The following EIF4E3 variants were observed in gnomAD, a reference collection of about 807,000 sequenced individuals.
EIF4E3 encodes eukaryotic translation initiation factor 4E type 3.
A neutral mutation model predicts 31.7 loss-of-function variants in EIF4E3; 26 were observed. The observed-to-expected ratio is 0.82, with a 90% CI of 0.60 to 1.14. The LOEUF (loss-of-function observed/expected upper bound fraction) is 1.14, where lower values mean the gene tolerates loss of function less well. EIF4E3 is among the 50% of genes most tolerant of loss of function. The pLI, the probability that EIF4E3 is intolerant of heterozygous loss-of-function variation, is 0.00. For synonymous variants in EIF4E3, 128 were observed against 107.7 expected, an observed-to-expected ratio of 1.19 and a Z score of -1.17; for missense variants, 304 against 270.9, an observed-to-expected ratio of 1.12 and a Z score of -0.86.
In EIF4E3 at chr3:71,725,069, G is replaced by T; in HGVS notation, c.176+123C>A. ...TCCCGGGGTGCGCAGGCGGACGCGCGGAGGGGCCGAGGTCTGTGCCACAGC... is the reference window on the plus strand; with the variant it reads ...TCCCGGGGTGCGCAGGCGGACGCGCTGAGGGGCCGAGGTCTGTGCCACAGC... On this transcript the variant is annotated intron_variant, in intron 1 of 6. Transcript: ENST00000425534. This position sits in a 1 kb window ranked among gnomAD's most constrained non-coding sequence, Gnocchi z 6.1. 1 of 755,656 alleles carries T rather than the reference G, an allele frequency of 1.3e-6. No homozygotes were observed. Among genetic ancestry groups the T allele is most frequent in the Non-Finnish European group, 1.6e-6 (1 of 616,056 alleles). The allele number at this position is 755,656 out of a possible 1,614,324, so 46.8% of individuals were successfully genotyped here.
intron 1 of EIF4E3, among the ~76,000 whole-genome samples, chr3:71,722,759 C>G (rs533056018): frequency 6.6e-6 from 1 of 152,186 alleles, no homozygotes; most frequent in South Asian, 2.1e-4. Flanking sequence ...ACAAGCTGCT[C>G]CAGAGACTGT....
intron 2 of EIF4E3, 52 bp from the exon 3 acceptor site, chr3:71,699,760 A>T (rs62246325): frequency 0.15 from 215,923 of 1,454,338 alleles, 17,935 homozygotes; most frequent in East Asian, 0.4. Context: ...TTGATTTATT[A>T]TGCTGCTAGA....
intron 5 of EIF4E3, among the ~76,000 whole-genome samples, chr3:71,692,449 A>G (rs898364214): frequency 2.0e-5 from 3 of 152,246 alleles, no homozygotes; most frequent in Admixed American, 6.5e-5. Flanking sequence ...GGAATAATTC[A>G]TGCAGAAAAC....
chr3:71,737,621 A>T (rs1165715851), intron 1 of EIF4E3, among the ~76,000 whole-genome samples: 1 of 152,160 alleles, frequency 6.6e-6, no homozygotes, highest in Non-Finnish European at 1.5e-5. Flanking sequence ...CACATTTTAT[A>T]CAGAGGAACA....
chr3:71,665,798 C>A, the EIF4E3 span, among the ~76,000 whole-genome samples: 1 of 152,202 alleles, frequency 6.6e-6, no homozygotes, highest in African/African-American at 2.4e-5. Context: ...AAGAAACTCA[C>A]TGAAAACCAC....
Position 71,680,661 on chromosome 3 carries a change from G to A in EIF4E3, c.*4021C>T, listed in dbSNP as rs1341707753. 1 of 152,140 alleles carries A rather than the reference G, an allele frequency of 6.6e-6. No individual in the cohort carries two copies. The highest frequency in any genetic ancestry group is 6.5e-5 in the Admixed American group (1 of 15,276). 9.4% of individuals were successfully genotyped at this position (152,140 alleles called of 1,614,324 possible). ...GGGATTTCTTCTTGGGAGAAGTAGAGGGGCAACCCACTCTAATTGCTATAA... is the reference window on the plus strand; with the variant it reads ...GGGATTTCTTCTTGGGAGAAGTAGAAGGGCAACCCACTCTAATTGCTATAA... On this transcript the variant is annotated 3_prime_UTR_variant, in exon 7 of 7. Coordinates refer to ENST00000425534, the MANE Select transcript of EIF4E3 (RefSeq NM_001134651.2).
At chr3:71,753,582 G>GGGATGCCTCGGCGGGGCT (rs2108172166) in exon 1 of EIF4E3, 1 of 149,778 alleles carries the variant, frequency 6.7e-6, no homozygotes, top group South Asian at 1.8e-4. Context: ...CAGGCGGTGC[G>GGGATGCCTCGGCGGGGCT]GGATGCCTCG....
the EIF4E3 span, among the ~76,000 whole-genome samples, chr3:71,670,351 A>G: frequency 6.6e-6 from 1 of 152,044 alleles, no homozygotes; most frequent in Non-Finnish European, 1.5e-5. Context: ...GGCTCGCTGC[A>G]TTTCTTTTGC....
At position 71,679,020 on chromosome 3, in the gene EIF4E3, T is replaced by C. The variant is rs1189206407; in HGVS notation, c.*5662A>G. ...TAAAACTTAAAAACAAAAACAATGG[T>C]TGTAAGCCACATTATCTGATTAAAG... On this transcript the variant is annotated 3_prime_UTR_variant, in exon 7 of 7. Coordinates refer to ENST00000425534, the MANE Select transcript of EIF4E3 (RefSeq NM_001134651.2). 9 of 152,176 alleles carry C rather than the reference T, an allele frequency of 5.9e-5. No homozygotes were observed. Among genetic ancestry groups the C allele is most frequent in the Admixed American group, 4.6e-4 (7 of 15,278 alleles). The allele number at this position is 152,176 out of a possible 1,614,324, so 9.4% of individuals were successfully genotyped here.
intron 1 of EIF4E3, among the ~76,000 whole-genome samples, chr3:71,717,437 C>A (rs1000377169): frequency 1.3e-5 from 2 of 152,218 alleles, no homozygotes; most frequent in Non-Finnish European, 2.9e-5. Flanking sequence ...ATGTGAAGGA[C>A]AGTTCTGTAA....
chr3:71,715,563 C>A (rs1217892012), intron 1 of EIF4E3, among the ~76,000 whole-genome samples: 1 of 152,184 alleles, frequency 6.6e-6, no homozygotes, highest in Non-Finnish European at 1.5e-5. Flanking sequence ...AAGATACAGG[C>A]AGAGCTGTGG....
At chr3:71,722,882 G>A (rs1578373880) in intron 1 of EIF4E3, among the ~76,000 whole-genome samples, 1 of 152,282 alleles carries the variant, frequency 6.6e-6, no homozygotes, top group Non-Finnish European at 1.5e-5. Context: ...GTTAGGTGTT[G>A]TACATCATGT....
chr3:71,699,495 G>C, intron 3 of EIF4E3, 119 bp downstream of exon 3: 2 of 888,434 alleles, frequency 2.3e-6, no homozygotes, highest in Admixed American at 3.8e-5. Context: ...GCCATGATTG[G>C]TATCACAGAC....
intron 3 of EIF4E3, among the ~76,000 whole-genome samples, chr3:71,699,267 A>T (rs2049181381): frequency 6.6e-6 from 1 of 152,128 alleles, no homozygotes; most frequent in Admixed American, 6.6e-5. Context: ...CAACAAAAAA[A>T]ACCCCACAAA....
At chr3:71,703,811 C>CAAA (rs370789059) in intron 2 of EIF4E3, among the ~76,000 whole-genome samples, 1,686 of 71,918 alleles carry the variant, frequency 0.023, 48 homozygotes, top group African/African-American at 0.056. Flanking sequence ...AAACACACAT[C>CAAA]AAAAAAAAAA....
intron 5 of EIF4E3, 53 bp downstream of exon 5, chr3:71,693,822 C>G: frequency 7.0e-7 from 1 of 1,426,530 alleles, no homozygotes; most frequent in Non-Finnish European, 9.2e-7. Context: ...AAGAAACAAG[C>G]ACAAGCCAGG....
chr3:71,688,589 G>A (rs1231078867), intron 6 of EIF4E3, among the ~76,000 whole-genome samples: 1 of 152,116 alleles, frequency 6.6e-6, no homozygotes, highest in Non-Finnish European at 1.5e-5. Context: ...GTGTGGAGCT[G>A]GTTCAAAGGT....
chr3:71,703,053 T>C (rs2049240147), intron 2 of EIF4E3, among the ~76,000 whole-genome samples: 1 of 152,250 alleles, frequency 6.6e-6, no homozygotes, highest in Admixed American at 6.5e-5. Context: ...AATCCAAGAT[T>C]GCAGTAAAAG....
At chr3:71,696,947 C>G (rs1251907077) in intron 3 of EIF4E3, among the ~76,000 whole-genome samples, 1 of 151,622 alleles carries the variant, frequency 6.6e-6, no homozygotes. Context: ...CTCGATCTCC[C>G]CACCTCGTGA....
Sources: allele counts gnomAD v4.1 joint callset (sites outside exome capture counted in the v4.1 genomes callset), GRCh38; gene constraint gnomAD v4.1.1; non-coding constraint Gnocchi (gnomAD v3.1); transcripts MANE v1.5; gene names NCBI Gene and HGNC (gene_info 2026-07-23, HGNC 2026-07-21).